Variants in DLG2 observed in about 807,000 individuals in gnomAD.
DLG2 encodes disks large homolog 2.
DLG2 carries 45 observed loss-of-function variants against 132.5 expected under a neutral mutation model. The ratio of observed to expected loss-of-function variants is 0.34; its 90% CI spans 0.27 to 0.44. The LOEUF (loss-of-function observed/expected upper bound fraction) is 0.44, where lower values mean the gene tolerates loss of function less well. DLG2 is among the 20% of genes least tolerant of loss of function. The pLI, the probability that DLG2 is intolerant of heterozygous loss-of-function variation, is 1.00. For synonymous variants in DLG2, 424 were observed against 419.6 expected (o/e 1.01, Z -0.13); for missense variants, 1,045 against 1,196.9 (o/e 0.87, Z 1.87).
intron 3 of DLG2, among the ~76,000 whole-genome samples, chr11:85,302,465 C>G (rs1405584071): frequency 1.3e-5 from 2 of 152,028 alleles, no homozygotes; most frequent in African/African-American, 4.8e-5. Flanking sequence ...GGCCTACATT[C>G]CCCTTCTGAA....
intron 19 of DLG2, among the ~76,000 whole-genome samples, chr11:83,602,213 T>C (rs2058677172): frequency 6.6e-6 from 1 of 152,246 alleles, no homozygotes; most frequent in East Asian, 1.9e-4. Context: ...GCATTTTTCA[T>C]TGCAGTCAAT....
chr11:84,408,999 A>G (rs1601614277), intron 7 of DLG2, among the ~76,000 whole-genome samples: 1 of 152,064 alleles, frequency 6.6e-6, no homozygotes, highest in East Asian at 1.9e-4. Context: ...AAAGTTTAAA[A>G]TCCTCCGATG....
intron 6 of DLG2, among the ~76,000 whole-genome samples, chr11:84,610,397 A>T (rs987311086): frequency 2.0e-5 from 3 of 152,154 alleles, no homozygotes; most frequent in African/African-American, 7.2e-5. Flanking sequence ...CCTTAAATAA[A>T]GAAAAATTTT....
chr11:84,705,251 G>A (rs995574023), intron 6 of DLG2, among the ~76,000 whole-genome samples: 18 of 151,610 alleles, frequency 1.2e-4, no homozygotes, highest in African/African-American at 4.4e-4. Context: ...CTACACATAG[G>A]GGAATTTTCC....
chr11:85,535,708 A>T (rs1175853088), intron 3 of DLG2, among the ~76,000 whole-genome samples: 5 of 152,228 alleles, frequency 3.3e-5, no homozygotes, highest in Admixed American at 3.3e-4. Context: ...ATTATTCAAA[A>T]TAGCCAAAAT....
At chr11:84,151,623 T>C (rs907739503) in intron 9 of DLG2, among the ~76,000 whole-genome samples, 5 of 152,206 alleles carry the variant, frequency 3.3e-5, no homozygotes, top group Non-Finnish European at 7.3e-5. Flanking sequence ...CTAGATCCTC[T>C]AGGCGTAATG....
At chr11:85,030,835 T>G (rs544103351) in intron 6 of DLG2, among the ~76,000 whole-genome samples, 3 of 152,134 alleles carry the variant, frequency 2.0e-5, no homozygotes, top group Non-Finnish European at 4.4e-5. Context: ...TTTTTTATTT[T>G]CTTCAGTTTA....
chr11:85,470,336 G>C (rs1449516227), intron 3 of DLG2, among the ~76,000 whole-genome samples: 1 of 152,098 alleles, frequency 6.6e-6, no homozygotes, highest in Non-Finnish European at 1.5e-5. Context: ...CATTTTGGAT[G>C]ACAATTTTTA....
At chr11:84,640,155 C>T (rs918245237) in intron 6 of DLG2, 5 of 272,982 alleles carry the variant, frequency 1.8e-5, no homozygotes, top group Middle Eastern at 1.3e-3. Context: ...AAAGAGGCTC[C>T]GGTTGACAAA....
chr11:84,026,885 G>A (rs1029615877), intron 11 of DLG2, among the ~76,000 whole-genome samples: 2 of 152,048 alleles, frequency 1.3e-5, no homozygotes, highest in Non-Finnish European at 2.9e-5. Flanking sequence ...TGAAAGAGTT[G>A]TGTACAACTT....
intron 19 of DLG2, among the ~76,000 whole-genome samples, chr11:83,577,509 T>TTA (rs1211594819): frequency 2.3e-5 from 3 of 128,446 alleles, no homozygotes; most frequent in East Asian, 2.2e-4. Context: ...ATAGGATATA[T>TTA]TATATATATA....
At chr11:85,148,000 G>C (rs1263143262) in intron 5 of DLG2, among the ~76,000 whole-genome samples, 1 of 151,950 alleles carries the variant, frequency 6.6e-6, no homozygotes, top group East Asian at 1.9e-4. Flanking sequence ...GAGAACTTGT[G>C]TTGTTTGGTT....
intron 3 of DLG2, among the ~76,000 whole-genome samples, chr11:85,315,694 C>T (rs2080616573): frequency 6.6e-6 from 1 of 151,972 alleles, no homozygotes; most frequent in Admixed American, 6.6e-5. Flanking sequence ...TCTTTAAAAC[C>T]AAAATTGTTT....
intron 10 of DLG2, among the ~76,000 whole-genome samples, chr11:84,066,946 G>A (rs2096683079): frequency 6.6e-6 from 1 of 152,108 alleles, no homozygotes. Context: ...CATGAAGAAA[G>A]CTGATCAATG....
intron 3 of DLG2, among the ~76,000 whole-genome samples, chr11:85,392,257 A>G (rs2086862567): frequency 6.6e-6 from 1 of 152,134 alleles, no homozygotes; most frequent in Non-Finnish European, 1.5e-5. Context: ...TGCAAGGAAA[A>G]CTACAAAACA....
chr11:83,562,100 G>A (rs745460251), intron 19 of DLG2, among the ~76,000 whole-genome samples: 16 of 151,792 alleles, frequency 1.1e-4, no homozygotes, highest in Non-Finnish European at 2.2e-4. Flanking sequence ...TGTTGGCCAG[G>A]TTGGTGTCGA....
intron 3 of DLG2, among the ~76,000 whole-genome samples, chr11:85,478,244 A>AT (rs1266062602): frequency 6.6e-6 from 1 of 152,016 alleles, no homozygotes; most frequent in Non-Finnish European, 1.5e-5. Flanking sequence ...CTGGTCTTGA[A>AT]TTCCTGGCCT....
intron 7 of DLG2, among the ~76,000 whole-genome samples, chr11:84,255,627 A>G (rs141121140): frequency 6.6e-6 from 1 of 151,940 alleles, no homozygotes; most frequent in East Asian, 1.9e-4. Flanking sequence ...CCGGCCATAC[A>G]CTCTCTTTCT....
intron 6 of DLG2, among the ~76,000 whole-genome samples, chr11:85,045,398 C>T (rs555748463): frequency 1.8e-4 from 27 of 152,122 alleles, no homozygotes; most frequent in African/African-American, 6.5e-4. Flanking sequence ...AATGGCTTCC[C>T]TAAGAAACCA....
Sources: allele counts gnomAD v4.1 joint callset (sites outside exome capture counted in the v4.1 genomes callset), GRCh38; gene constraint gnomAD v4.1.1; transcripts MANE v1.5; gene names NCBI Gene and HGNC (gene_info 2026-07-23, HGNC 2026-07-21).